The following PPM1H variants were observed in gnomAD, a reference collection of about 807,000 sequenced individuals.
The protein encoded by PPM1H is protein phosphatase, Mg2+/Mn2+ dependent 1H, also known as protein phosphatase 1H.
Under a neutral mutation model 54.9 loss-of-function variants are expected in PPM1H, and 27 were observed. That is an observed-to-expected ratio of 0.49 (90% CI 0.36 to 0.68). The LOEUF (loss-of-function observed/expected upper bound fraction) is 0.68. PPM1H is among the 30% of genes least tolerant of loss of function. The pLI is 0.00. For missense variants in PPM1H, 596 were observed against 667.8 expected, an observed-to-expected ratio of 0.89 and a Z score of 1.19; for synonymous variants, 305 against 270.8, an observed-to-expected ratio of 1.13 and a Z score of -1.24.
chr12:62,723,395 C>A (rs1460666276), intron 5 of PPM1H, among the ~76,000 whole-genome samples: 1 of 151,572 alleles, frequency 6.6e-6, no homozygotes, highest in Non-Finnish European at 1.5e-5. Flanking sequence ...CATCTGTTTA[C>A]AAATGAACAT....
intron 2 of PPM1H, among the ~76,000 whole-genome samples, chr12:62,815,266 A>G (rs1305577530): frequency 6.6e-6 from 1 of 152,130 alleles, no homozygotes; most frequent in East Asian, 1.9e-4. Context: ...TACTTTAATG[A>G]ATATGCTGCT....
chr12:62,788,186 C>A, intron 4 of PPM1H, 40 bp downstream of exon 4: 1 of 1,240,402 alleles, frequency 8.1e-7, no homozygotes, highest in Admixed American at 2.0e-5. Flanking sequence ...CATCAGAAGG[C>A]ATTAGAAATT....
At chr12:62,686,831 C>A (rs2076055099) in intron 8 of PPM1H, among the ~76,000 whole-genome samples, 1 of 152,102 alleles carries the variant, frequency 6.6e-6, no homozygotes, top group African/African-American at 2.4e-5. Flanking sequence ...CTTCTTAGTC[C>A]CTTTTATCTA....
intron 1 of PPM1H, among the ~76,000 whole-genome samples, chr12:62,858,990 C>T (rs1039218505): frequency 6.6e-6 from 1 of 152,138 alleles, no homozygotes; most frequent in Non-Finnish European, 1.5e-5. Flanking sequence ...TCATTATTTG[C>T]TTCATACTAT....
chr12:62,886,360 TGTTAATCCAA>T (rs1478102007), intron 1 of PPM1H, among the ~76,000 whole-genome samples: 1 of 152,232 alleles, frequency 6.6e-6, no homozygotes, highest in Non-Finnish European at 1.5e-5. Flanking sequence ...AAGAATAAGG[TGTTAATCCAA>T]GTTATTTTGT....
In PPM1H at chr12:62,798,109, G is replaced by T. The variant is rs141244661; in HGVS notation, c.756+3707C>A. 4.1e-4 allele frequency among the ~76,000 whole-genome samples: 63 copies of T among 152,304 alleles called. 1 individual carries two copies. The highest frequency in any genetic ancestry group is 1.5e-3 in the African/African-American group (62 of 41,562). ...TTCAGTTTATTTTGCCAAGGGTAAGGACATGCCTGGAAGAAAAAAAACACA... is the reference window on the plus strand; with the variant it reads ...TTCAGTTTATTTTGCCAAGGGTAAGTACATGCCTGGAAGAAAAAAAACACA... On this transcript the variant is annotated intron_variant, in intron 3 of 9. Transcript: ENST00000228705.
chr12:62,744,059 CT>C (rs2076396646), intron 4 of PPM1H, among the ~76,000 whole-genome samples: 1 of 151,224 alleles, frequency 6.6e-6, no homozygotes, highest in Admixed American at 6.6e-5. Flanking sequence ...ACAATTCAGA[CT>C]TTTGACGTTA....
chr12:62,650,455 A>G (rs1020523467), intron 9 of PPM1H, among the ~76,000 whole-genome samples: 16 of 152,168 alleles, frequency 1.1e-4, no homozygotes, highest in African/African-American at 3.6e-4. Context: ...CAGGAAATAA[A>G]GGCCTCCAAA....
intron 1 of PPM1H, among the ~76,000 whole-genome samples, chr12:62,884,687 C>T (rs867393): frequency 0.58 from 87,487 of 152,008 alleles, 27,762 homozygotes; most frequent in African/African-American, 0.84. Flanking sequence ...AGTAGTTATA[C>T]GGTATTGTGT....
intron 1 of PPM1H, among the ~76,000 whole-genome samples, chr12:62,897,323 C>T (rs930142773): frequency 6.6e-6 from 1 of 152,068 alleles, no homozygotes; most frequent in African/African-American, 2.4e-5. Flanking sequence ...TAAAATAAAA[C>T]CACAGCCCTT....
chr12:62,764,939 C>T (rs1449169702), intron 4 of PPM1H, among the ~76,000 whole-genome samples: 7 of 152,314 alleles, frequency 4.6e-5, no homozygotes, highest in Middle Eastern at 6.8e-3. Flanking sequence ...CCATGCGTGC[C>T]GCTTAGTTAG....
intron 2 of PPM1H, among the ~76,000 whole-genome samples, chr12:62,803,615 A>G (rs573502538): frequency 6.6e-6 from 1 of 152,358 alleles, no homozygotes; most frequent in African/African-American, 2.4e-5. Context: ...CATGGGGGAA[A>G]AAAACTCCTT....
chr12:62,886,308 C>G (rs1026471820), intron 1 of PPM1H, among the ~76,000 whole-genome samples: 3 of 152,174 alleles, frequency 2.0e-5, no homozygotes, highest in Non-Finnish European at 4.4e-5. Context: ...TGGAGATACC[C>G]TCTGTTATAG....
In PPM1H at chr12:62,644,929, T is replaced by A. The variant is rs150895751; in HGVS notation, c.*3560A>T. The A allele has an allele frequency of 6.6e-6, 1 of 152,200 alleles. No individual in the cohort carries two copies. Among genetic ancestry groups the A allele is most frequent in the African/African-American group, 2.4e-5 (1 of 41,446 alleles). 9.4% of individuals were successfully genotyped at this position (152,200 alleles called of 1,614,324 possible). A position where few individuals can be genotyped will look rare whatever the true frequency, so the allele number is the denominator to read the frequency against. Reference sequence around the variant, plus strand: ...CCCAGAAGCACTAACTTACTGAAAATAGAATCTCATCAAAGCTTAACATAT... The same window carrying A: ...CCCAGAAGCACTAACTTACTGAAAAAAGAATCTCATCAAAGCTTAACATAT... On this transcript the variant is annotated 3_prime_UTR_variant, in exon 10 of 10. Transcript: ENST00000228705.
chr12:62,843,702 C>G (rs936281392), intron 1 of PPM1H, among the ~76,000 whole-genome samples: 4 of 152,084 alleles, frequency 2.6e-5, no homozygotes, highest in Non-Finnish European at 2.9e-5. Flanking sequence ...ATTAATTTTC[C>G]CCTTACTACT....
chr12:62,685,946 A>G (rs1383552178), intron 8 of PPM1H, among the ~76,000 whole-genome samples: 1 of 152,236 alleles, frequency 6.6e-6, no homozygotes, highest in African/African-American at 2.4e-5. Context: ...TAAGTAGTTA[A>G]TAACAATTAG....
chr12:62,650,445 C>T (rs1275915530), intron 9 of PPM1H, among the ~76,000 whole-genome samples: 1 of 152,094 alleles, frequency 6.6e-6, no homozygotes, highest in South Asian at 2.1e-4. Context: ...CTCTTGAGAT[C>T]AGGAAATAAA....
At chr12:62,793,740 C>CAAAAAAAAAAAAAAAA (rs34457644) in intron 3 of PPM1H, among the ~76,000 whole-genome samples, 38 of 61,212 alleles carry the variant, frequency 6.2e-4, no homozygotes, top group African/African-American at 1.9e-3. Flanking sequence ...AACTCCGTTT[C>CAAAAAAAAAAAAAAAA]AAAAAAAAAA....
chr12:62,871,727 G>A (rs1320847042), intron 1 of PPM1H, among the ~76,000 whole-genome samples: 1 of 151,938 alleles, frequency 6.6e-6, no homozygotes, highest in Non-Finnish European at 1.5e-5. Flanking sequence ...TGTTGCCCAG[G>A]CTGGTGTCGA....
Sources: gnomAD v4.1 joint callset for allele counts (sites outside exome capture counted in the v4.1 genomes callset) on GRCh38, gnomAD v4.1.1 for gene constraint, MANE v1.5 for transcripts, NCBI Gene and HGNC (gene_info 2026-07-23, HGNC 2026-07-21) for gene names.